The following PIK3C3 variants were observed in gnomAD, a reference collection of about 807,000 sequenced individuals.
The protein encoded by PIK3C3 is PI3-kinase type 3.
In PIK3C3, 95 loss-of-function variants were observed where a neutral mutation model predicts 126.1. The observed-to-expected ratio is 0.75, with a 90% CI of 0.64 to 0.89. The LOEUF (loss-of-function observed/expected upper bound fraction) is 0.89. Ranked by LOEUF, PIK3C3 falls within the 40% of genes least tolerant of loss-of-function variation. The pLI is 0.00. For synonymous variants in PIK3C3, 374 were observed against 360.0 expected (o/e 1.04, Z -0.44); for missense variants, 829 against 1,063.2 (o/e 0.78, Z 3.06).
intron 10 of PIK3C3, among the ~76,000 whole-genome samples, chr18:42,006,035 A>T (rs934208545): frequency 3.3e-5 from 5 of 151,160 alleles, no homozygotes; most frequent in African/African-American, 1.2e-4. Flanking sequence ...AGAATGACTC[A>T]CAAAACTCAG....
At chr18:41,997,806 G>A (rs16975520) in intron 9 of PIK3C3, among the ~76,000 whole-genome samples, 1 of 152,048 alleles carries the variant, frequency 6.6e-6, no homozygotes, top group African/African-American at 2.4e-5. Context: ...TGATATGCTT[G>A]CATCTACGAA....
Position 42,054,126 on chromosome 18 carries a change from GTATATATATATATATATA to G in PIK3C3, c.2264-3708_2264-3691del, listed in dbSNP as rs60224978. 8.9e-4 allele frequency among the ~76,000 whole-genome samples: 62 copies of G among 69,646 alleles called. 1 individual carries two copies. The highest frequency in any genetic ancestry group is 3.5e-3 in the South Asian group (7 of 2,018). The allele number at this position is 69,646 out of a possible 152,430, so 45.7% of individuals were successfully genotyped here. A position where few individuals can be genotyped will look rare whatever the true frequency, so the allele number is the denominator to read the frequency against. On this transcript the variant is annotated intron_variant, in intron 21 of 24. Coordinates refer to ENST00000262039, the MANE Select transcript of PIK3C3 (RefSeq NM_002647.4). ...GTTCTCTAGAGGGACAGAACTAATG[GTATATATATATATATATA>G]TATATATATATATATATATATATAT...
chr18:42,040,201 G>T (rs1598922027), intron 18 of PIK3C3, among the ~76,000 whole-genome samples: 9 of 99,208 alleles, frequency 9.1e-5, no homozygotes, highest in Admixed American at 2.4e-4. Context: ...TTACACATCT[G>T]TTATTACCAG....
chr18:41,963,149 C>T lies in PIK3C3; in HGVS notation c.401+517C>T, dbSNP rs1391233233. On this transcript the variant is annotated intron_variant, in intron 3 of 24. Coordinates refer to ENST00000262039, the MANE Select transcript of PIK3C3 (RefSeq NM_002647.4). Reference sequence around the variant, plus strand: ...TCTCTATATCGTTTTTCTCCTGGGACAGAGGACTCAGTCTGTCTTTAGAGA... The same window carrying T: ...TCTCTATATCGTTTTTCTCCTGGGATAGAGGACTCAGTCTGTCTTTAGAGA... Among the ~76,000 whole-genome samples the T allele has an allele frequency of 2.0e-5, 3 of 151,998 alleles. No homozygotes were observed. The South Asian group carries it at 6.2e-4, about 32-fold the overall frequency.
At position 41,970,459 on chromosome 18, in the gene PIK3C3, A is replaced by G; in HGVS notation, c.531+3A>G. The stretch of plus-strand genomic sequence containing the variant: ...ATCAGATGAGCCGTCTTGCCAAGGT[A>G]AAAAAAGTCATTTGGAACAGGTGCA... On this transcript the variant is annotated splice_donor_region_variant and intron_variant, in intron 4 of 24. Coordinates refer to ENST00000262039, the MANE Select transcript of PIK3C3 (RefSeq NM_002647.4). The G allele has an allele frequency of 6.2e-7, 1 of 1,612,674 alleles. No individual in the cohort carries two copies. The highest frequency in any genetic ancestry group is 8.5e-7 in the Non-Finnish European group (1 of 1,179,116).
At chr18:42,043,850 C>G in intron 20 of PIK3C3, 33 bp downstream of exon 20, 2 of 1,447,686 alleles carry the variant, frequency 1.4e-6, no homozygotes, top group South Asian at 1.2e-5. Context: ...TTCCATTGAT[C>G]AGATAAAGAA....
chr18:41,966,614 A>G (rs1980384645), intron 3 of PIK3C3, among the ~76,000 whole-genome samples: 1 of 152,212 alleles, frequency 6.6e-6, no homozygotes, highest in Non-Finnish European at 1.5e-5. Context: ...GACTAAATAT[A>G]ATGACAAAAA....
intron 20 of PIK3C3, among the ~76,000 whole-genome samples, chr18:42,044,535 G>A (rs905070766): frequency 5.9e-5 from 9 of 151,810 alleles, no homozygotes; most frequent in Non-Finnish European, 1.2e-4. Context: ...ACCTCAGCCC[G>A]CCGAGTACCT....
intron 13 of PIK3C3, 58 bp downstream of exon 13, chr18:42,020,763 C>T (rs1241983039): frequency 1.6e-5 from 15 of 948,388 alleles, no homozygotes; most frequent in Non-Finnish European, 2.5e-5. Context: ...TATTTTTTCT[C>T]ATGCTATAAA....
At chr18:42,081,076 ATAAT>A (rs764031047) in intron 24 of PIK3C3, 43 bp from the exon 25 acceptor site, 13 of 1,093,830 alleles carry the variant, frequency 1.2e-5, no homozygotes, top group South Asian at 5.6e-5. Flanking sequence ...ATCTTTGTGA[ATAAT>A]TAAGTAAATT....
rs956604104 is a variant in PIK3C3 at position 42,082,252 on chromosome 18, G to A, written c.*1115G>A. 1 of 152,164 alleles carries A rather than the reference G, an allele frequency of 6.6e-6. No individual in the cohort carries two copies. The highest frequency in any genetic ancestry group is 1.5e-5 in the Non-Finnish European group (1 of 68,034). 9.4% of individuals were successfully genotyped at this position (152,164 alleles called of 1,614,324 possible). On this transcript the variant is annotated 3_prime_UTR_variant, in exon 25 of 25. Transcript: ENST00000262039. ...GTGCTGAATAAATATTAGAAATCAA[G>A]TGACAGAGAAGATGAAGGTAAAATT...
chr18:41,990,334 G>A, intron 5 of PIK3C3, 125 bp from the exon 6 acceptor site: 2 of 640,762 alleles, frequency 3.1e-6, no homozygotes, highest in South Asian at 1.8e-5. Flanking sequence ...AAATAAAAAT[G>A]TGTTATGTTT....
intron 9 of PIK3C3, among the ~76,000 whole-genome samples, chr18:42,003,437 T>C (rs539267017): frequency 3.4e-4 from 52 of 152,102 alleles, no homozygotes; most frequent in Non-Finnish European, 6.6e-4. Flanking sequence ...TACATGCTTT[T>C]CTTTATTTTC....
intron 20 of PIK3C3, among the ~76,000 whole-genome samples, chr18:42,045,182 T>G (rs1343342302): frequency 6.6e-6 from 1 of 152,232 alleles, no homozygotes; most frequent in Admixed American, 6.5e-5. Flanking sequence ...TATAGGAATA[T>G]AAACATATAT....
chr18:41,959,979 T>G (rs1310373965), intron 2 of PIK3C3, among the ~76,000 whole-genome samples: 2 of 152,202 alleles, frequency 1.3e-5, no homozygotes, highest in Admixed American at 6.5e-5. Flanking sequence ...AAAGAGATAT[T>G]CTATAAACCT....
At chr18:42,081,031 TTAG>T in intron 24 of PIK3C3, 89 bp from the exon 25 acceptor site, 1 of 724,924 alleles carries the variant, frequency 1.4e-6, no homozygotes, top group Non-Finnish European at 2.3e-6. Context: ...TTTTATTTTA[TTAG>T]TAGTCTTTTT....
At chr18:42,008,677 G>T (rs371073561) in intron 10 of PIK3C3, among the ~76,000 whole-genome samples, 47 of 148,380 alleles carry the variant, frequency 3.2e-4, no homozygotes, top group African/African-American at 6.4e-4. Context: ...TGGAAGCCTG[G>T]TTTTTTTTTT....
intron 4 of PIK3C3, among the ~76,000 whole-genome samples, chr18:41,971,893 A>G (rs1980686513): frequency 6.6e-6 from 1 of 152,118 alleles, no homozygotes; most frequent in Non-Finnish European, 1.5e-5. Context: ...ATAGTTGCAC[A>G]GTGTAACTAC....
chr18:41,971,327 A>C (rs1260879121), intron 4 of PIK3C3: 1 of 151,980 alleles, frequency 6.6e-6, no homozygotes, highest in East Asian at 1.9e-4. Context: ...TGTTGCCTTT[A>C]CCCACATATA....
Sources: allele counts gnomAD v4.1 joint callset (sites outside exome capture counted in the v4.1 genomes callset), GRCh38; gene constraint gnomAD v4.1.1; transcripts MANE v1.5; gene names NCBI Gene and HGNC (gene_info 2026-07-23, HGNC 2026-07-21).